Variants in SNX29 observed in about 807,000 individuals in gnomAD.
SNX29 encodes the protein sorting nexin 29.
Under a neutral mutation model 102.1 loss-of-function variants are expected in SNX29, and 78 were observed. That is an observed-to-expected ratio of 0.76 (90% CI 0.64 to 0.92). SNX29 has a LOEUF of 0.92. Ranked by LOEUF, SNX29 falls within the 40% of genes least tolerant of loss-of-function variation. The pLI is 0.00. For synonymous variants in SNX29, 580 were observed against 414.5 expected (o/e 1.40, Z -4.85); for missense variants, 1,280 against 1,061.7 (o/e 1.21, Z -2.86).
intron 3 of SNX29, among the ~76,000 whole-genome samples, chr16:12,026,817 T>C (rs2057204259): frequency 6.6e-6 from 1 of 152,202 alleles, no homozygotes; most frequent in South Asian, 2.1e-4. Context: ...AATTCATATA[T>C]TCTTTTTAGA....
intron 16 of SNX29, among the ~76,000 whole-genome samples, chr16:12,390,155 T>TGTGTGG (rs2083475566): frequency 2.0e-5 from 3 of 149,872 alleles, no homozygotes; most frequent in African/African-American, 7.4e-5. Flanking sequence ...GAGGGGTGTG[T>TGTGTGG]GTGTGTGTGT....
At position 12,368,241 on chromosome 16, in the gene SNX29, C is replaced by T. The variant is rs144427536; in HGVS notation, c.1899+11962C>T. On this transcript the variant is annotated intron_variant, in intron 16 of 20. Transcript: ENST00000566228. ...GAGTTTGGTTGTCCAAGGCATCCAG[C>T]TGTGGAACTTTACACTTCCCTGAAG... 7.4e-3 allele frequency among the ~76,000 whole-genome samples: 1,132 copies of T among 152,334 alleles called. 18 individuals are homozygous for T. Among genetic ancestry groups the T allele is most frequent in the African/African-American group, 0.025 (1,030 of 41,568 alleles).
At chr16:12,536,451 G>A (rs1359336713) in intron 20 of SNX29, among the ~76,000 whole-genome samples, 2 of 152,080 alleles carry the variant, frequency 1.3e-5, no homozygotes, top group African/African-American at 4.8e-5. Flanking sequence ...GCTTGGGTTT[G>A]ACTCAAGGCT....
intron 14 of SNX29, among the ~76,000 whole-genome samples, chr16:12,218,257 G>T (rs996930863): frequency 6.6e-6 from 1 of 152,144 alleles, no homozygotes; most frequent in Non-Finnish European, 1.5e-5. Context: ...GCAGAGGTAC[G>T]TAAAGAAGTT....
At position 12,529,277 on chromosome 16, in the gene SNX29, C is replaced by T. The variant is rs994917193; in HGVS notation, c.2318+4436C>T. On this transcript the variant is annotated intron_variant, in intron 20 of 20. Transcript: ENST00000566228. ...AAGACAAGGAACAGATGAGTGCCAG[C>T]CTCCCAACACCCACATCTTTGGGAA... 2.6e-5 allele frequency among the ~76,000 whole-genome samples: 4 copies of T among 152,180 alleles called. No homozygotes were observed. The South Asian group carries it at 6.2e-4, about 24-fold the overall frequency.
At chr16:12,291,484 C>G (rs1035283003) in intron 15 of SNX29, among the ~76,000 whole-genome samples, 1 of 152,154 alleles carries the variant, frequency 6.6e-6, no homozygotes, top group Non-Finnish European at 1.5e-5. Context: ...ATTGTGGGAG[C>G]TACAATTCAA....
At chr16:12,493,649 T>A (rs1259352063) in intron 19 of SNX29, among the ~76,000 whole-genome samples, 1 of 152,202 alleles carries the variant, frequency 6.6e-6, no homozygotes, top group Non-Finnish European at 1.5e-5. Flanking sequence ...TGGACTGCAG[T>A]GGCACGATCT....
chr16:12,540,416 G>T (rs993247024), intron 20 of SNX29, among the ~76,000 whole-genome samples: 2 of 152,226 alleles, frequency 1.3e-5, no homozygotes, highest in African/African-American at 4.8e-5. Flanking sequence ...AAAAACTACA[G>T]ATTTATTCTC....
intron 18 of SNX29, among the ~76,000 whole-genome samples, chr16:12,422,764 C>T (rs865965121): frequency 6.6e-6 from 1 of 152,232 alleles, no homozygotes; most frequent in African/African-American, 2.4e-5. Flanking sequence ...GAGGCCTCCA[C>T]ATGGCCGCCA....
chr16:12,557,103 C>G (rs1010622801), intron 20 of SNX29, among the ~76,000 whole-genome samples: 1 of 151,226 alleles, frequency 6.6e-6, no homozygotes, highest in South Asian at 2.1e-4. Context: ...GCTGCCTCAA[C>G]CTCCGAAAGT....
At chr16:12,126,447 C>G (rs200063508) in intron 11 of SNX29, among the ~76,000 whole-genome samples, 186 bp from the exon 12 acceptor site, 1 of 152,246 alleles carries the variant, frequency 6.6e-6, no homozygotes, top group Non-Finnish European at 1.5e-5. Context: ...ACTTCAGAGA[C>G]TGTGCTCTAA....
chr16:12,130,628 C>A (rs1385525738), intron 13 of SNX29, among the ~76,000 whole-genome samples: 1 of 151,970 alleles, frequency 6.6e-6, no homozygotes, highest in Non-Finnish European at 1.5e-5. Context: ...TCCCAGCCAC[C>A]CAGTTTGCTC....
intron 18 of SNX29, among the ~76,000 whole-genome samples, chr16:12,421,930 TCCGTCCATCATCCATCACCATCATCAA>T (rs1225681161): frequency 1.6e-5 from 1 of 63,260 alleles, no homozygotes; most frequent in Non-Finnish European, 5.1e-5. Flanking sequence ...ACCATCATCA[TCCGTCCATCATCCATCACCATCATCAA>T]CCACCCATCA....
At chr16:12,269,364 T>C (rs1358839063) in intron 14 of SNX29, among the ~76,000 whole-genome samples, 6 of 152,274 alleles carry the variant, frequency 3.9e-5, no homozygotes, top group Non-Finnish European at 8.8e-5. Context: ...ATGGCCAGAC[T>C]GAATCCTGCT....
At chr16:12,136,385 G>C (rs1597014799) in intron 13 of SNX29, among the ~76,000 whole-genome samples, 1 of 152,226 alleles carries the variant, frequency 6.6e-6, no homozygotes, top group African/African-American at 2.4e-5. Flanking sequence ...TCTTGGCTCT[G>C]CCACTTGGTA....
chr16:12,333,731 T>C (rs975614272), intron 15 of SNX29, among the ~76,000 whole-genome samples: 7 of 152,130 alleles, frequency 4.6e-5, no homozygotes, highest in African/African-American at 1.7e-4. Flanking sequence ...GAAGGTCTTA[T>C]TACTTCAGCC....
At chr16:12,324,530 C>T (rs565164058) in intron 15 of SNX29, among the ~76,000 whole-genome samples, 1 of 152,186 alleles carries the variant, frequency 6.6e-6, no homozygotes, top group African/African-American at 2.4e-5. Flanking sequence ...GCCTCAGCCT[C>T]CCAAAGTGTT....
intron 4 of SNX29, among the ~76,000 whole-genome samples, chr16:12,035,906 T>C (rs2057459376): frequency 1.3e-5 from 2 of 152,212 alleles, no homozygotes; most frequent in Non-Finnish European, 2.9e-5. Flanking sequence ...GTTCCCTTTC[T>C]TCCTGCTCAA....
intron 20 of SNX29, among the ~76,000 whole-genome samples, chr16:12,566,312 G>A (rs998927942): frequency 2.0e-5 from 3 of 152,134 alleles, no homozygotes; most frequent in Non-Finnish European, 2.9e-5. Context: ...TCCAAGCTAT[G>A]TCCTCTCCCT....
Sources: allele counts gnomAD v4.1 joint callset (sites outside exome capture counted in the v4.1 genomes callset), GRCh38; gene constraint gnomAD v4.1.1; transcripts MANE v1.5; gene names NCBI Gene and HGNC (gene_info 2026-07-23, HGNC 2026-07-21).